Variants in GALNT15 observed in about 807,000 individuals in gnomAD.
The protein encoded by GALNT15 is polypeptide N-acetylgalactosaminyltransferase 15, also known as UDP-GalNAc transferase T15.
In GALNT15, 67 loss-of-function variants were observed where a neutral mutation model predicts 66.8. The ratio of observed to expected loss-of-function variants is 1.00; its 90% CI spans 0.82 to 1.23. The LOEUF (loss-of-function observed/expected upper bound fraction) is 1.23. GALNT15 is among the 50% of genes most tolerant of loss of function. GALNT15 has a pLI of 0.00. For missense variants in GALNT15, 827 were observed against 804.3 expected, an observed-to-expected ratio of 1.03 and a Z score of -0.34; for synonymous variants, 313 against 311.5, an observed-to-expected ratio of 1.00 and a Z score of -0.05.
Position 16,211,101 on chromosome 3 carries a change from T to A in GALNT15, c.1080-23T>A, listed in dbSNP as rs774075041. 6 of 1,564,608 alleles carry A rather than the reference T, an allele frequency of 3.8e-6. No homozygotes were observed. ...GTGCTCTGGGTTCTGAACTGCAGTG[T>A]CCTGCCTGTCTTCTGTGTCCAGGAG... On this transcript the variant is annotated intron_variant, in intron 4 of 9. Transcript: ENST00000339732. The surrounding 1 kb of genome is among the most constrained non-coding windows in gnomAD (Gnocchi z 4.3).
At chr3:16,207,431 C>A (rs766474493) in intron 3 of GALNT15, among the ~76,000 whole-genome samples, 1 of 143,334 alleles carries the variant, frequency 7.0e-6, no homozygotes, top group Non-Finnish European at 1.5e-5. Context: ...TGAGTGATTA[C>A]CTACTTAGTT....
At position 16,227,344 on chromosome 3, in the gene GALNT15, C is replaced by G; in HGVS notation, c.1774-10C>G. The G allele has an allele frequency of 5.0e-6, 8 of 1,595,394 alleles. No homozygotes were observed. Among genetic ancestry groups the G allele is most frequent in the South Asian group, 2.3e-5 (2 of 86,994 alleles). The stretch of plus-strand genomic sequence containing the variant: ...CTGGTTTTCTTTTCTTTTTTCCTTT[C>G]TCTTTTTAGAATGGGATGATTGTCC... On this transcript the variant is annotated splice_polypyrimidine_tract_variant and intron_variant, in intron 9 of 9. Transcript: ENST00000339732. This position sits in a 1 kb window ranked among gnomAD's most constrained non-coding sequence, Gnocchi z 4.5.
rs1237752639 is a variant in GALNT15, at chr3:16,181,728, A to G, written c.539+6038A>G. ...CGGGATGAGGGACAAGAACAGGAAC[A>G]AGCTGGGCTTGAGACCTGGGGCTGG... On this transcript the variant is annotated intron_variant, in intron 1 of 9. Transcript: ENST00000339732. The surrounding 1 kb of genome is among the most constrained non-coding windows in gnomAD (Gnocchi z 5.9). Among the ~76,000 whole-genome samples, 2 of 152,154 alleles carry G rather than the reference A, an allele frequency of 1.3e-5. No individual in the cohort carries two copies. The highest frequency in any genetic ancestry group is 2.9e-5 in the Non-Finnish European group (2 of 68,028).
the GALNT15 span, chr3:16,243,891 C>A: frequency 2.1e-5 from 11 of 512,818 alleles, no homozygotes; most frequent in Non-Finnish European, 2.8e-5. Context: ...TTGTCTCACT[C>A]CACCACAGCC....
intron 1 of GALNT15, among the ~76,000 whole-genome samples, chr3:16,194,929 C>A (rs781273026): frequency 6.6e-5 from 10 of 152,174 alleles, no homozygotes; most frequent in Non-Finnish European, 1.3e-4. Flanking sequence ...CACTATGGCA[C>A]ATGTTTACCT....
chr3:16,217,590 C>T (rs949341555), intron 6 of GALNT15, among the ~76,000 whole-genome samples: 3 of 152,174 alleles, frequency 2.0e-5, no homozygotes, highest in African/African-American at 7.2e-5. Flanking sequence ...AGACAGAAAT[C>T]CTGGGCACCC....
the GALNT15 span, among the ~76,000 whole-genome samples, chr3:16,241,483 T>C: frequency 6.6e-6 from 1 of 152,222 alleles, no homozygotes; most frequent in South Asian, 2.1e-4. The surrounding 1 kb of genome is among the most constrained non-coding windows in gnomAD (Gnocchi z 4.6). Context: ...CACTGCACTG[T>C]TCCAGTTATC....
chr3:16,220,546 G>A (rs931378908), intron 8 of GALNT15, among the ~76,000 whole-genome samples: 3 of 152,156 alleles, frequency 2.0e-5, no homozygotes, highest in African/African-American at 4.8e-5. Context: ...ATCCTCCACC[G>A]ATGCTAGCTG....
intron 3 of GALNT15, among the ~76,000 whole-genome samples, chr3:16,205,467 G>A (rs1401623168): frequency 6.6e-6 from 1 of 152,170 alleles, no homozygotes; most frequent in Non-Finnish European, 1.5e-5. Flanking sequence ...TTTGCCTTTT[G>A]AAACATAAGC....
downstream of GALNT15, among the ~76,000 whole-genome samples, chr3:16,232,469 A>AATAAAT (rs1553689248): frequency 2.4e-3 from 93 of 38,698 alleles, no homozygotes; most frequent in Non-Finnish European, 3.5e-3. Context: ...TAAATAAATA[A>AATAAAT]ATATATATAT....
rs1174645993 is a variant in GALNT15 at position 16,184,048 on chromosome 3, G to A, written c.539+8358G>A. On this transcript the variant is annotated intron_variant, in intron 1 of 9. Coordinates refer to ENST00000339732, the MANE Select transcript of GALNT15 (RefSeq NM_054110.5). This position sits in a 1 kb window ranked among gnomAD's most constrained non-coding sequence, Gnocchi z 5.0. ...CAATCCAGGACACACCCCTGGGCTG[G>A]AGAAAGGTATCAACATCCCTGTGTT... Among the ~76,000 whole-genome samples the A allele has an allele frequency of 1.3e-5, 2 of 152,156 alleles. No individual in the cohort carries two copies. Among genetic ancestry groups the A allele is most frequent in the Non-Finnish European group, 2.9e-5 (2 of 68,032 alleles).
chr3:16,196,004 A>C, intron 2 of GALNT15, 78 bp downstream of exon 2: 1 of 1,453,312 alleles, frequency 6.9e-7, no homozygotes, highest in Non-Finnish European at 9.5e-7. Flanking sequence ...AAAAGATTGA[A>C]GTTTGGAACT....
At chr3:16,232,829 A>G (rs960792507), downstream of GALNT15, among the ~76,000 whole-genome samples, 4 of 151,748 alleles carry the variant, frequency 2.6e-5, no homozygotes, top group Non-Finnish European at 5.9e-5. Context: ...ACCATGTTAA[A>G]GTGCAGATTC....
chr3:16,234,304 C>A (rs2064112927), downstream of GALNT15, among the ~76,000 whole-genome samples: 1 of 152,100 alleles, frequency 6.6e-6, no homozygotes, highest in African/African-American at 2.4e-5. Context: ...CAGTTATCTG[C>A]ATTTCTTCAC....
rs567840063 is a variant in GALNT15 at position 16,224,843 on chromosome 3, G to C, written c.1773+2085G>C. ...TAGAGACGGGGTTTCCTCCATGTTG[G>C]CCAGGCTGGTCTCGAACTCCTGACA... On this transcript the variant is annotated intron_variant, in intron 9 of 9. Transcript: ENST00000339732. The surrounding 1 kb of genome is among the most constrained non-coding windows in gnomAD (Gnocchi z 5.2). Among the ~76,000 whole-genome samples, 144 of 152,062 alleles carry C rather than the reference G, an allele frequency of 9.5e-4. No individual in the cohort carries two copies. The highest frequency in any genetic ancestry group is 1.7e-3 in the Non-Finnish European group (116 of 67,982).
intron 3 of GALNT15, among the ~76,000 whole-genome samples, chr3:16,206,894 A>G (rs759578863): frequency 2.0e-5 from 3 of 152,050 alleles, no homozygotes; most frequent in Non-Finnish European, 4.4e-5. Flanking sequence ...AAATTTATCC[A>G]TCTGCCTGAT....
the GALNT15 span, among the ~76,000 whole-genome samples, chr3:16,241,661 G>A: frequency 1.3e-5 from 2 of 152,054 alleles, no homozygotes; most frequent in Non-Finnish European, 2.9e-5. The surrounding 1 kb of genome is among the most constrained non-coding windows in gnomAD (Gnocchi z 4.6). Context: ...CGATTCTGCC[G>A]CCTCAGCCTC....
At chr3:16,201,432 C>T (rs1021839533) in intron 3 of GALNT15, among the ~76,000 whole-genome samples, 1 of 152,168 alleles carries the variant, frequency 6.6e-6, no homozygotes, top group African/African-American at 2.4e-5. Context: ...CCGCCCTCCT[C>T]AGCCTCCCAA....
chr3:16,197,900 A>T (rs574477612), intron 2 of GALNT15, among the ~76,000 whole-genome samples: 1 of 144,722 alleles, frequency 6.9e-6, no homozygotes, highest in Admixed American at 7.0e-5. Flanking sequence ...CAACCATCGC[A>T]GTCTGGAAGT....
Sources: allele counts gnomAD v4.1 joint callset (sites outside exome capture counted in the v4.1 genomes callset), GRCh38; gene constraint gnomAD v4.1.1; non-coding constraint Gnocchi (gnomAD v3.1); transcripts MANE v1.5; gene names NCBI Gene and HGNC (gene_info 2026-07-23, HGNC 2026-07-21).